Variants in ITGA1 observed in about 807,000 individuals in gnomAD.
The protein encoded by ITGA1 is integrin alpha-1.
In ITGA1, 85 loss-of-function variants were observed where a neutral mutation model predicts 145.9. The observed-to-expected ratio is 0.58, with a 90% CI of 0.49 to 0.70. The LOEUF (loss-of-function observed/expected upper bound fraction) is 0.70, where lower values mean the gene tolerates loss of function less well. Among genes scored for constraint, ITGA1 ranks in the 30% least tolerant of loss-of-function variants. The probability of loss-of-function intolerance (pLI) is 0.00; values close to 1 mark genes in which losing one functional copy is unlikely to be tolerated. For missense variants in ITGA1, 1,351 were observed against 1,418.7 expected, an observed-to-expected ratio of 0.95 and a Z score of 0.77; for synonymous variants, 520 against 495.3, an observed-to-expected ratio of 1.05 and a Z score of -0.66.
intron 6 of ITGA1, among the ~76,000 whole-genome samples, chr5:52,867,701 C>G (rs1749709971): frequency 6.6e-6 from 1 of 151,928 alleles, no homozygotes; most frequent in Non-Finnish European, 1.5e-5. Flanking sequence ...AAGATTAAAG[C>G]TGGAAAGAAT....
At chr5:52,905,663 A>G in intron 11 of ITGA1, 100 bp from the exon 12 acceptor site, 1 of 990,280 alleles carries the variant, frequency 1.0e-6, no homozygotes, top group Non-Finnish European at 1.5e-6. Context: ...AAATATAACC[A>G]TATAAAAATG....
At chr5:52,948,164 A>C (rs1029327302) in intron 28 of ITGA1, among the ~76,000 whole-genome samples, 4 of 152,192 alleles carry the variant, frequency 2.6e-5, no homozygotes, top group Non-Finnish European at 5.9e-5. Flanking sequence ...GCAGCTGTAT[A>C]ATTTTCACAT....
chr5:52,837,699 A>C (rs1749182909), intron 1 of ITGA1, among the ~76,000 whole-genome samples: 1 of 151,972 alleles, frequency 6.6e-6, no homozygotes, highest in Non-Finnish European at 1.5e-5. Context: ...GTTTCAAGAT[A>C]CTCTTGTAGA....
chr5:52,897,446 A>G lies in ITGA1; in HGVS notation c.1091-9A>G, dbSNP rs367817757. The stretch of plus-strand genomic sequence containing the variant: ...TACTTATTTACAGTGATATTTTCCT[A>G]TGTTATAGCCACAGCTGACCAGTCA... On this transcript the variant is annotated splice_polypyrimidine_tract_variant and intron_variant, in intron 9 of 28. Coordinates refer to ENST00000282588, the MANE Select transcript of ITGA1 (RefSeq NM_181501.2). 5.3e-4 allele frequency: 849 copies of G among 1,595,532 alleles called. 1 individual carries two copies. Among genetic ancestry groups the G allele is most frequent in the Non-Finnish European group, 6.7e-4 (782 of 1,164,246 alleles).
intron 7 of ITGA1, among the ~76,000 whole-genome samples, chr5:52,884,289 C>CA (rs370198943): frequency 0.023 from 3,437 of 151,190 alleles, 135 homozygotes; most frequent in African/African-American, 0.08. Flanking sequence ...ACTAAAAATA[C>CA]AAAAAAAATT....
intron 1 of ITGA1, chr5:52,800,593 C>G (rs756878110): frequency 1.9e-6 from 3 of 1,613,578 alleles, no homozygotes; most frequent in Non-Finnish European, 1.7e-6. Context: ...TACCCTCACT[C>G]TCTGCGTGGA....
At chr5:52,949,902 C>T (rs1409449567) in intron 28 of ITGA1, among the ~76,000 whole-genome samples, 2 of 31,754 alleles carry the variant, frequency 6.3e-5, no homozygotes, top group East Asian at 9.8e-4. Context: ...TCAGGACTAT[C>T]CCTTCTTCCT....
At chr5:52,948,733 G>A (rs1751171379) in intron 28 of ITGA1, 1 of 152,170 alleles carries the variant, frequency 6.6e-6, no homozygotes, top group Non-Finnish European at 1.5e-5. Flanking sequence ...TGAAATATAG[G>A]AAGTGGTTTC....
chr5:52,866,948 G>A (rs1476901319), intron 6 of ITGA1: 1 of 151,850 alleles, frequency 6.6e-6, no homozygotes, highest in Non-Finnish European at 1.5e-5. Context: ...ATTGTTGTGT[G>A]GTTTGGAGGC....
chr5:52,872,475 C>T (rs1435489827), intron 6 of ITGA1, among the ~76,000 whole-genome samples: 12 of 151,928 alleles, frequency 7.9e-5, no homozygotes, highest in Admixed American at 7.9e-4. Flanking sequence ...TTGTTGCCTG[C>T]TAAATAATAT....
intron 11 of ITGA1, among the ~76,000 whole-genome samples, chr5:52,899,715 G>A (rs905512443): frequency 9.9e-5 from 15 of 152,198 alleles, no homozygotes; most frequent in African/African-American, 3.1e-4. Flanking sequence ...AACAAAGTGT[G>A]CATTGCATGT....
intron 6 of ITGA1, among the ~76,000 whole-genome samples, chr5:52,872,857 C>T (rs986843714): frequency 6.6e-6 from 1 of 152,118 alleles, no homozygotes; most frequent in Non-Finnish European, 1.5e-5. Context: ...ACCCACTGTT[C>T]TTGAGAAAAA....
intron 8 of ITGA1, among the ~76,000 whole-genome samples, chr5:52,892,170 A>G (rs1019667872): frequency 6.6e-6 from 1 of 152,188 alleles, no homozygotes; most frequent in Non-Finnish European, 1.5e-5. Context: ...TTAATGGGAA[A>G]AAGATTTGAA....
intron 6 of ITGA1, among the ~76,000 whole-genome samples, chr5:52,872,223 C>G (rs1749786950): frequency 6.6e-6 from 1 of 152,048 alleles, no homozygotes; most frequent in Non-Finnish European, 1.5e-5. Flanking sequence ...AGCCTTAAAT[C>G]TGGGGCCTGA....
At chr5:52,800,442 G>T (rs746048979) in intron 1 of ITGA1, 1 of 1,613,980 alleles carries the variant, frequency 6.2e-7, no homozygotes, top group Non-Finnish European at 8.5e-7. Flanking sequence ...CGGGCCAGGT[G>T]ACCCTGGTCC....
chr5:52,836,891 A>G (rs1047447823), intron 1 of ITGA1, among the ~76,000 whole-genome samples: 1 of 152,172 alleles, frequency 6.6e-6, no homozygotes, highest in Non-Finnish European at 1.5e-5. Context: ...CTTCAAATGT[A>G]TAATGATAAT....
At chr5:52,909,158 G>T in intron 13 of ITGA1, 117 bp downstream of exon 13, 1 of 1,071,302 alleles carries the variant, frequency 9.3e-7, no homozygotes, top group Admixed American at 2.8e-5. Context: ...AAGCTATCAG[G>T]ATTCATTCAC....
chr5:52,889,088 GCTGCTCTAAACTACTATCCATTTTTTT>G (rs147553767), intron 8 of ITGA1, among the ~76,000 whole-genome samples: 23,564 of 150,574 alleles, frequency 0.16, 2,037 homozygotes, highest in South Asian at 0.26. Context: ...TATTTCAGTT[GCTGCTCTAAACTACTATCCATTTTTTT>G]TTTTAAATGG....
intron 14 of ITGA1, among the ~76,000 whole-genome samples, chr5:52,910,953 T>C (rs1184432597): frequency 7.3e-6 from 1 of 136,628 alleles, no homozygotes; most frequent in Non-Finnish European, 1.5e-5. Flanking sequence ...CTGTATATAG[T>C]ATATACACTA....
Sources: gnomAD v4.1 joint callset for allele counts (sites outside exome capture counted in the v4.1 genomes callset) on GRCh38, gnomAD v4.1.1 for gene constraint, MANE v1.5 for transcripts, NCBI Gene and HGNC (gene_info 2026-07-23, HGNC 2026-07-21) for gene names.